The following MAGI1 variants were observed in gnomAD, a reference collection of about 807,000 sequenced individuals.
MAGI1 encodes membrane-associated guanylate kinase, WW and PDZ domain-containing protein 1.
In MAGI1, 58 loss-of-function variants were observed where a neutral mutation model predicts 139.9. The observed-to-expected ratio is 0.41, with a 90% CI of 0.34 to 0.52. The LOEUF is 0.52. MAGI1 is among the 20% of genes least tolerant of loss of function. The pLI is 0.12. For synonymous variants in MAGI1, 812 were observed against 737.9 expected (o/e 1.10, Z -1.63); for missense variants, 1,874 against 1,901.6 (o/e 0.99, Z 0.27).
At chr3:65,759,783 G>A (rs1444857442) in intron 1 of MAGI1, among the ~76,000 whole-genome samples, 1 of 152,156 alleles carries the variant, frequency 6.6e-6, no homozygotes, top group Admixed American at 6.6e-5. Context: ...AAAACTGATA[G>A]AGTCTATACC....
intron 1 of MAGI1, among the ~76,000 whole-genome samples, chr3:65,679,488 A>T (rs901285323): frequency 5.9e-5 from 9 of 152,136 alleles, no homozygotes; most frequent in Non-Finnish European, 1.3e-4. Context: ...CATTGAACCC[A>T]GAAGGCAGAA....
chr3:65,543,765 T>C (rs2079365035), intron 2 of MAGI1, among the ~76,000 whole-genome samples: 1 of 145,344 alleles, frequency 6.9e-6, no homozygotes, highest in African/African-American at 2.5e-5. Context: ...TGGGGGGGGG[T>C]ACAAGAGGGA....
At chr3:65,911,553 G>A (rs1051971091) in intron 1 of MAGI1, among the ~76,000 whole-genome samples, 1 of 151,908 alleles carries the variant, frequency 6.6e-6, no homozygotes, top group Non-Finnish European at 1.5e-5. Flanking sequence ...TTGCACTTAG[G>A]ACCAAACTAT....
chr3:65,673,102 C>A (rs1330181685), intron 1 of MAGI1, among the ~76,000 whole-genome samples: 1 of 152,068 alleles, frequency 6.6e-6, no homozygotes, highest in Non-Finnish European at 1.5e-5. Context: ...TGCACTTGTG[C>A]CTGGGCTTGC....
At chr3:66,000,123 C>T (rs2066666571) in intron 1 of MAGI1, among the ~76,000 whole-genome samples, 2 of 151,950 alleles carry the variant, frequency 1.3e-5, no homozygotes, top group African/African-American at 4.8e-5. Flanking sequence ...CAGGCGCCCG[C>T]TACCATGCCC....
In MAGI1 at chr3:65,581,892, A is replaced by T. The variant is rs1422462959; in HGVS notation, c.430+40080T>A. The stretch of plus-strand genomic sequence containing the variant: ...CCTGAGAACAACAATTTTCCTTCCA[A>T]TCCTGAATATATTCCTGACACTTAG... On this transcript the variant is annotated intron_variant, in intron 2 of 22. Transcript: ENST00000402939. 2.6e-5 allele frequency among the ~76,000 whole-genome samples: 4 copies of T among 152,190 alleles called. No homozygotes were observed. In the East Asian group the frequency reaches 7.7e-4, roughly 29 times the overall value.
chr3:65,627,992 T>C (rs1365455956), intron 1 of MAGI1, among the ~76,000 whole-genome samples: 3 of 152,216 alleles, frequency 2.0e-5, no homozygotes, highest in Non-Finnish European at 2.9e-5. Flanking sequence ...TTATCCTTCA[T>C]AGAAAATTAA....
chr3:65,843,289 G>C (rs114412881), intron 1 of MAGI1, among the ~76,000 whole-genome samples: 1 of 152,122 alleles, frequency 6.6e-6, no homozygotes, highest in African/African-American at 2.4e-5. Context: ...AGGGAGCAAG[G>C]ACTGTCAACC....
chr3:65,809,636 C>T (rs1014968958), intron 1 of MAGI1, among the ~76,000 whole-genome samples: 40 of 152,248 alleles, frequency 2.6e-4, no homozygotes, highest in African/African-American at 5.8e-4. Flanking sequence ...AAAGATGGGA[C>T]GCTCTCATTT....
At chr3:65,893,285 A>G (rs1303859716) in intron 1 of MAGI1, among the ~76,000 whole-genome samples, 1 of 152,086 alleles carries the variant, frequency 6.6e-6, no homozygotes, top group East Asian at 1.9e-4. Context: ...AGAAAAAAAA[A>G]TGTGAAATAA....
At chr3:65,740,909 G>C (rs1019577361) in intron 1 of MAGI1, among the ~76,000 whole-genome samples, 1 of 152,182 alleles carries the variant, frequency 6.6e-6, no homozygotes, top group African/African-American at 2.4e-5. Flanking sequence ...TTAACTTTGA[G>C]ATCACTATTT....
intron 18 of MAGI1, among the ~76,000 whole-genome samples, chr3:65,373,628 C>T (rs1180641210): frequency 6.6e-6 from 1 of 152,170 alleles, no homozygotes; most frequent in African/African-American, 2.4e-5. Context: ...GATGTCTGGA[C>T]CGCATTTGGC....
At chr3:66,021,822 C>G (rs529831871) in intron 1 of MAGI1, among the ~76,000 whole-genome samples, 1 of 152,240 alleles carries the variant, frequency 6.6e-6, no homozygotes, top group South Asian at 2.1e-4. Context: ...ACTAATAAAG[C>G]CACGCCCCGG....
intron 5 of MAGI1, among the ~76,000 whole-genome samples, chr3:65,468,263 G>A (rs935285353): frequency 6.6e-6 from 1 of 151,412 alleles, no homozygotes; most frequent in Admixed American, 6.6e-5. Flanking sequence ...TTAACATGAA[G>A]ACAGAAACAT....
chr3:65,709,310 C>T (rs2030961057), intron 1 of MAGI1, among the ~76,000 whole-genome samples: 1 of 152,024 alleles, frequency 6.6e-6, no homozygotes, highest in Non-Finnish European at 1.5e-5. Flanking sequence ...CCTGCTATCT[C>T]TTTTTTTTCC....
At chr3:65,908,888 C>A (rs911656134) in intron 1 of MAGI1, among the ~76,000 whole-genome samples, 1 of 152,176 alleles carries the variant, frequency 6.6e-6, no homozygotes, top group Admixed American at 6.5e-5. Context: ...GGGGCAGACA[C>A]TCAGAAGTCT....
At chr3:65,864,216 T>C (rs1444162717) in intron 1 of MAGI1, among the ~76,000 whole-genome samples, 3 of 152,108 alleles carry the variant, frequency 2.0e-5, no homozygotes, top group East Asian at 1.9e-4. Flanking sequence ...CACACAGACA[T>C]AGAGAAACGT....
At chr3:65,737,170 A>C (rs1396849288) in intron 1 of MAGI1, among the ~76,000 whole-genome samples, 1 of 151,978 alleles carries the variant, frequency 6.6e-6, no homozygotes, top group Non-Finnish European at 1.5e-5. Context: ...CGCCTGGCTA[A>C]TTTTTTGTAT....
chr3:66,013,006 C>A (rs6445526), intron 1 of MAGI1, among the ~76,000 whole-genome samples: 119,094 of 152,160 alleles, frequency 0.78, 46,835 homozygotes, highest in East Asian at 0.88. Context: ...CTCATTTAAT[C>A]ATTTTAACTC....
Sources: allele counts gnomAD v4.1 joint callset (sites outside exome capture counted in the v4.1 genomes callset), GRCh38; gene constraint gnomAD v4.1.1; transcripts MANE v1.5; gene names NCBI Gene and HGNC (gene_info 2026-07-23, HGNC 2026-07-21).